Variants in ZNRF2 observed in about 807,000 individuals in gnomAD.
ZNRF2 encodes the protein zinc and ring finger 2, also known as E3 ubiquitin-protein ligase ZNRF2.
In ZNRF2, 16 loss-of-function variants were observed where a neutral mutation model predicts 20.4. The observed-to-expected ratio is 0.79, with a 90% CI of 0.53 to 1.19. The LOEUF (loss-of-function observed/expected upper bound fraction) is 1.19. ZNRF2 is among the 50% of genes most tolerant of loss of function. The probability of loss-of-function intolerance (pLI) is 0.00; values close to 1 mark genes in which losing one functional copy is unlikely to be tolerated. For synonymous variants in ZNRF2, 178 were observed against 144.9 expected, an observed-to-expected ratio of 1.23 and a Z score of -1.64; for missense variants, 363 against 332.4, an observed-to-expected ratio of 1.09 and a Z score of -0.72.
chr7:30,330,952 T>C (rs1799628010), intron 2 of ZNRF2, among the ~76,000 whole-genome samples: 1 of 152,154 alleles, frequency 6.6e-6, no homozygotes, highest in Non-Finnish European at 1.5e-5. Flanking sequence ...TAAATGTGGA[T>C]CCCTAATTGT....
At chr7:30,333,192 T>C (rs1251986614) in intron 2 of ZNRF2, among the ~76,000 whole-genome samples, 1 of 151,580 alleles carries the variant, frequency 6.6e-6, no homozygotes, top group Non-Finnish European at 1.5e-5. Context: ...TAGATGGGAT[T>C]ACAGGCGCCT....
rs920768185 is a variant in ZNRF2, at chr7:30,285,245, G to T, written c.-113G>T. On this transcript the variant is annotated 5_prime_UTR_variant, in exon 1 of 5. Transcript: ENST00000323037. ...GGGCGGCGGCCCTGGACGTGCGGGG[G>T]CCTCTCTGGGCCGGCCGCGGCGCCT... The T allele has an allele frequency of 2.7e-6, 2 of 733,032 alleles. No individual in the cohort carries two copies. Among genetic ancestry groups the T allele is most frequent in the East Asian group, 1.0e-4 (1 of 9,784 alleles). The allele number at this position is 733,032 out of a possible 1,614,324, so 45.4% of individuals were successfully genotyped here. A position where few individuals can be genotyped will look rare whatever the true frequency, so the allele number is the denominator to read the frequency against.
intron 1 of ZNRF2, among the ~76,000 whole-genome samples, chr7:30,301,688 T>C (rs1156750792): frequency 7.8e-6 from 1 of 128,470 alleles, no homozygotes; most frequent in African/African-American, 3.2e-5. Flanking sequence ...TACAGGATAA[T>C]GAGGCTTTTT....
At chr7:30,320,808 T>G (rs912043836) in intron 1 of ZNRF2, among the ~76,000 whole-genome samples, 4 of 152,212 alleles carry the variant, frequency 2.6e-5, no homozygotes, top group African/African-American at 9.6e-5. Flanking sequence ...TTTAAATTCA[T>G]TATTTGTCTT....
intron 2 of ZNRF2, among the ~76,000 whole-genome samples, chr7:30,342,001 T>A (rs1337356185): frequency 6.6e-6 from 1 of 152,166 alleles, no homozygotes; most frequent in African/African-American, 2.4e-5. Context: ...TTTTGATCTT[T>A]GTTGGTTTAA....
rs766778624 is a variant in ZNRF2, at chr7:30,285,781, G to A, written c.424G>A (p.Val142Met). The change falls in exon 1 of 5, where the codon GTG becomes ATG. Residue 142 changes from valine (V) to methionine (M), a missense_variant. This residue lies in a region of ZNRF2 where 302 missense variants were observed against 231.5 expected (regional missense o/e 1.30). Transcript: ENST00000323037. ...VGGSPGGPRL[V>M]IGSLPAHLSP... ...CGGGAGCCCCGGCGGGCCGCGCCTGGTGATCGGCTCCTTACCAGCTCACCT... is the reference window on the plus strand; with the variant it reads ...CGGGAGCCCCGGCGGGCCGCGCCTGATGATCGGCTCCTTACCAGCTCACCT... 4.6e-6 allele frequency: 7 copies of A among 1,509,328 alleles called. No individual in the cohort carries two copies. In the Admixed American group the frequency reaches 1.7e-4, roughly 36 times the overall value. The allele number at this position is 1,509,328 out of a possible 1,614,324, so 93.5% of individuals were successfully genotyped here.
intron 2 of ZNRF2, among the ~76,000 whole-genome samples, chr7:30,332,605 A>G (rs925303820): frequency 6.6e-6 from 1 of 152,130 alleles, no homozygotes; most frequent in African/African-American, 2.4e-5. Flanking sequence ...GCTCACATTT[A>G]TAAGTGAGAA....
intron 2 of ZNRF2, among the ~76,000 whole-genome samples, chr7:30,354,292 A>G (rs902581029): frequency 6.6e-6 from 1 of 152,100 alleles, no homozygotes; most frequent in Non-Finnish European, 1.5e-5. Flanking sequence ...TGAGCTGCCC[A>G]GTAGTTAGCT....
intron 2 of ZNRF2, among the ~76,000 whole-genome samples, chr7:30,324,960 C>T (rs538899237): frequency 6.6e-6 from 1 of 152,176 alleles, no homozygotes; most frequent in Non-Finnish European, 1.5e-5. Context: ...ATATGTGTCT[C>T]TGTCTTTCCT....
intron 1 of ZNRF2, among the ~76,000 whole-genome samples, chr7:30,306,568 C>T (rs1296512626): frequency 6.6e-6 from 1 of 152,082 alleles, no homozygotes; most frequent in Non-Finnish European, 1.5e-5. Context: ...CCACCTATTC[C>T]AGTCACTGAA....
chr7:30,339,603 G>A (rs1799765156), intron 2 of ZNRF2, among the ~76,000 whole-genome samples: 1 of 152,072 alleles, frequency 6.6e-6, no homozygotes. Flanking sequence ...TGAGGCCTTT[G>A]TTCTGTTCCA....
At position 30,285,837 on chromosome 7, in the gene ZNRF2, C is replaced by T. The variant is rs776936490; in HGVS notation, c.469+11C>T. On this transcript the variant is annotated intron_variant, in intron 1 of 4. Coordinates refer to ENST00000323037, the MANE Select transcript of ZNRF2 (RefSeq NM_147128.4). ...CGCACATGTTTGGAGGTACGGACCCCTCTCCGCGCACCCGCGCTCGGTCCT... is the reference window on the plus strand; with the variant it reads ...CGCACATGTTTGGAGGTACGGACCCTTCTCCGCGCACCCGCGCTCGGTCCT... The T allele has an allele frequency of 1.3e-6, 2 of 1,491,652 alleles. No homozygotes were observed. The highest frequency in any genetic ancestry group is 1.3e-5 in the South Asian group (1 of 74,536). The allele number at this position is 1,491,652 out of a possible 1,614,324, so 92.4% of individuals were successfully genotyped here.
At chr7:30,286,055 C>T (rs1274362184) in intron 1 of ZNRF2, among the ~76,000 whole-genome samples, 1 of 152,228 alleles carries the variant, frequency 6.6e-6, no homozygotes, top group East Asian at 1.9e-4. Context: ...CCTGAGCACC[C>T]TCACCTCAGC....
chr7:30,338,757 G>T (rs1438207552), intron 2 of ZNRF2, among the ~76,000 whole-genome samples: 1 of 152,114 alleles, frequency 6.6e-6, no homozygotes, highest in Admixed American at 6.5e-5. Context: ...TGTCTTTATA[G>T]TAGAATGATT....
intron 3 of ZNRF2, among the ~76,000 whole-genome samples, chr7:30,358,106 T>A (rs190090559): frequency 7.4e-4 from 113 of 152,260 alleles, no homozygotes; most frequent in African/African-American, 2.6e-3. Context: ...ATTAACTCAA[T>A]AAATGTGAGA....
chr7:30,319,434 A>T (rs1799432667), intron 1 of ZNRF2, among the ~76,000 whole-genome samples: 1 of 152,228 alleles, frequency 6.6e-6, no homozygotes, highest in African/African-American at 2.4e-5. Context: ...GGAAGAAGTC[A>T]GGCCTGGAGG....
intron 1 of ZNRF2, among the ~76,000 whole-genome samples, chr7:30,290,194 CATTT>C (rs1244477868): frequency 1.3e-5 from 2 of 152,186 alleles, no homozygotes; most frequent in African/African-American, 2.4e-5. Context: ...ATGTACATGA[CATTT>C]ATTTGTTAAG....
At chr7:30,363,097 G>C (rs1800153867) in intron 4 of ZNRF2, among the ~76,000 whole-genome samples, 1 of 152,036 alleles carries the variant, frequency 6.6e-6, no homozygotes, top group African/African-American at 2.4e-5. Flanking sequence ...CTCTAGCCTG[G>C]GCGACAGAGC....
intron 1 of ZNRF2, among the ~76,000 whole-genome samples, chr7:30,291,468 T>G (rs1249085810): frequency 6.6e-6 from 1 of 152,192 alleles, no homozygotes; most frequent in Non-Finnish European, 1.5e-5. Context: ...AAGTTAGGAT[T>G]CTTTTAAAAT....
Sources: gnomAD v4.1 joint callset for allele counts (sites outside exome capture counted in the v4.1 genomes callset) on GRCh38, gnomAD v4.1.1 for gene constraint, gnomAD v4.1.1 regional missense constraint, MANE v1.5 for transcripts, NCBI Gene and HGNC (gene_info 2026-07-23, HGNC 2026-07-21) for gene names.